The following GRIP1 variants were observed in gnomAD, a reference collection of about 807,000 sequenced individuals.
GRIP1 encodes the protein glutamate receptor-interacting protein 1.
A neutral mutation model predicts 129.9 loss-of-function variants in GRIP1; 45 were observed. That is an observed-to-expected ratio of 0.35 (90% CI 0.27 to 0.44). GRIP1 has a LOEUF of 0.44. Ranked by LOEUF, GRIP1 falls within the 20% of genes least tolerant of loss-of-function variation. The pLI is 1.00. For missense variants in GRIP1, 1,196 were observed against 1,396.8 expected (o/e 0.86, Z 2.29); for synonymous variants, 530 against 520.8 (o/e 1.02, Z -0.24).
At position 66,728,092 on chromosome 12, in the gene GRIP1, C is replaced by T. The variant is rs369635520; in HGVS notation, c.-420+75961G>A. Among the ~76,000 whole-genome samples, 7 of 152,186 alleles carry T rather than the reference C, an allele frequency of 4.6e-5. No individual in the cohort carries two copies. The East Asian group carries it at 9.7e-4, about 21-fold the overall frequency. ...CAAAAACCCCACAACAGACACATTG[C>T]CAAAGATAAAAGATCCACCTTGAGG... On this transcript the variant is annotated intron_variant, in intron 1 of 4. Coordinates refer to the GRIP1 transcript ENST00000538373.
At chr12:66,629,557 C>T (rs1428325289) in intron 1 of GRIP1, among the ~76,000 whole-genome samples, 1 of 152,168 alleles carries the variant, frequency 6.6e-6, no homozygotes, top group Non-Finnish European at 1.5e-5. Context: ...CTCAAGTGAA[C>T]ATTCAAATGT....
chr12:66,494,551 C>T (rs1373429313), intron 7 of GRIP1, among the ~76,000 whole-genome samples: 1 of 152,080 alleles, frequency 6.6e-6, no homozygotes, highest in Non-Finnish European at 1.5e-5. Flanking sequence ...TTAATTTCTT[C>T]AAGACACAGT....
chr12:66,472,197 T>A (rs919151829), intron 7 of GRIP1, among the ~76,000 whole-genome samples: 1 of 152,202 alleles, frequency 6.6e-6, no homozygotes, highest in Non-Finnish European at 1.5e-5. Flanking sequence ...ACTTTCTAAG[T>A]TGTCATCCAT....
intron 1 of GRIP1, among the ~76,000 whole-genome samples, chr12:66,607,858 C>T (rs896455422): frequency 3.3e-5 from 5 of 152,114 alleles, no homozygotes; most frequent in Admixed American, 2.0e-4. Context: ...GACTGTCATC[C>T]CTCCTGGCCT....
chr12:66,815,827 T>TCTTC (rs2039200428), intron 1 of GRIP1, among the ~76,000 whole-genome samples: 1 of 46,048 alleles, frequency 2.2e-5, no homozygotes, highest in Non-Finnish European at 5.2e-5. Flanking sequence ...AAGATTTCTT[T>TCTTC]CTTTCTTTCT....
chr12:66,658,117 T>C (rs2033274737), intron 1 of GRIP1, among the ~76,000 whole-genome samples: 1 of 152,032 alleles, frequency 6.6e-6, no homozygotes, highest in African/African-American at 2.4e-5. Flanking sequence ...TAAACATAAA[T>C]AAACATATAT....
chr12:66,572,491 A>C (rs1348568427), intron 2 of GRIP1, among the ~76,000 whole-genome samples: 1 of 152,216 alleles, frequency 6.6e-6, no homozygotes, highest in Non-Finnish European at 1.5e-5. Flanking sequence ...AGAGAAAATC[A>C]TATGGGGTGT....
At chr12:66,628,851 C>T (rs914997504) in intron 1 of GRIP1, among the ~76,000 whole-genome samples, 2 of 152,172 alleles carry the variant, frequency 1.3e-5, no homozygotes, top group Non-Finnish European at 2.9e-5. Context: ...AAGTTAAGCA[C>T]CCCTTATATA....
At chr12:66,616,254 CT>C (rs1286486035) in intron 1 of GRIP1, among the ~76,000 whole-genome samples, 1 of 151,694 alleles carries the variant, frequency 6.6e-6, no homozygotes, top group Non-Finnish European at 1.5e-5. Context: ...TCTTGGTATT[CT>C]TTTTTTTAAA....
At chr12:66,395,720 T>G (rs998029855) in intron 16 of GRIP1, among the ~76,000 whole-genome samples, 1 of 152,164 alleles carries the variant, frequency 6.6e-6, no homozygotes, top group Non-Finnish European at 1.5e-5. Flanking sequence ...CACCACACAC[T>G]GCAATGCTTA....
chr12:66,775,142 G>C (rs2037938596), intron 1 of GRIP1, among the ~76,000 whole-genome samples: 1 of 152,160 alleles, frequency 6.6e-6, no homozygotes, highest in South Asian at 2.1e-4. Context: ...ATGCATCTGT[G>C]CTCAGCCCCT....
At chr12:66,418,146 G>GAACT (rs2137804892) in intron 15 of GRIP1, among the ~76,000 whole-genome samples, 1 of 152,128 alleles carries the variant, frequency 6.6e-6, no homozygotes, top group South Asian at 2.1e-4. Flanking sequence ...TGCCTACAGT[G>GAACT]AACTCATTTT....
At chr12:66,545,447 T>C (rs935094649) in intron 2 of GRIP1, among the ~76,000 whole-genome samples, 10 of 152,158 alleles carry the variant, frequency 6.6e-5, no homozygotes, top group Non-Finnish European at 1.3e-4. Context: ...ATCCTTTATA[T>C]AGACAAACAA....
intron 8 of GRIP1, 30 bp downstream of exon 8, chr12:66,465,245 G>A (rs17102543): frequency 0.018 from 28,438 of 1,605,070 alleles, 1,095 homozygotes; most frequent in African/African-American, 0.12. Flanking sequence ...TGCGCCTGGC[G>A]GAAAAGTAGG....
intron 1 of GRIP1, among the ~76,000 whole-genome samples, chr12:66,837,198 G>C (rs1220149652): frequency 6.6e-6 from 1 of 152,122 alleles, no homozygotes; most frequent in Admixed American, 6.5e-5. Context: ...TACCCACTAT[G>C]AGCCATAACA....
intron 1 of GRIP1, among the ~76,000 whole-genome samples, chr12:66,989,161 G>A (rs996006170): frequency 6.6e-6 from 1 of 152,078 alleles, no homozygotes; most frequent in Non-Finnish European, 1.5e-5. Flanking sequence ...CATTCCCAAG[G>A]GTCACAGGAA....
intron 7 of GRIP1, among the ~76,000 whole-genome samples, chr12:66,478,402 A>G (rs1257557308): frequency 2.0e-5 from 3 of 152,176 alleles, no homozygotes; most frequent in Non-Finnish European, 4.4e-5. Context: ...GGATGTGGAG[A>G]AATAGGAACA....
intron 1 of GRIP1, among the ~76,000 whole-genome samples, chr12:66,767,634 G>GCATCAGCCGTAGC (rs1190696097): frequency 1.3e-5 from 2 of 151,462 alleles, no homozygotes; most frequent in African/African-American, 2.4e-5. Flanking sequence ...AGGCTACCAG[G>GCATCAGCCGTAGC]CTGATTTCTT....
chr12:66,360,706 T>C (rs946098894), intron 23 of GRIP1, among the ~76,000 whole-genome samples: 1 of 152,232 alleles, frequency 6.6e-6, no homozygotes, highest in Non-Finnish European at 1.5e-5. Flanking sequence ...ACCGACATGT[T>C]TGAAGAACAT....
Sources: allele counts gnomAD v4.1 joint callset (sites outside exome capture counted in the v4.1 genomes callset), GRCh38; gene constraint gnomAD v4.1.1; transcripts MANE v1.5; gene names NCBI Gene and HGNC (gene_info 2026-07-23, HGNC 2026-07-21).